Variants in MS4A3 observed in about 807,000 individuals in gnomAD.
The protein encoded by MS4A3 is membrane spanning 4-domains A3, also known as membrane-spanning 4-domains subfamily A member 3.
In MS4A3, 18 loss-of-function variants were observed where a neutral mutation model predicts 24.7. The observed-to-expected ratio is 0.73, with a 90% confidence interval of 0.50 to 1.08. The LOEUF (loss-of-function observed/expected upper bound fraction) is 1.08. Among genes scored for constraint, MS4A3 ranks in the 50% least tolerant of loss-of-function variants. MS4A3 has a pLI of 0.00. For missense variants in MS4A3, 282 were observed against 251.7 expected (o/e 1.12, Z -0.82); for synonymous variants, 84 against 95.3 (o/e 0.88, Z 0.69).
At chr11:60,061,066 C>T in intron 1 of MS4A3, 80 bp from the exon 2 acceptor site, 1 of 1,305,482 alleles carries the variant, frequency 7.7e-7, no homozygotes, top group Non-Finnish European at 1.0e-6. Context: ...CAGAATTGAA[C>T]CCTTCTGTAA....
At position 60,061,140 on chromosome 11, in the gene MS4A3, T is replaced by G. The variant is rs778633536; in HGVS notation, c.-15-6T>G. On this transcript the variant is annotated splice_polypyrimidine_tract_variant and splice_region_variant and intron_variant, in intron 1 of 6. Coordinates refer to ENST00000278865, the MANE Select transcript of MS4A3 (RefSeq NM_006138.5). Reference sequence around the variant, plus strand: ...ATGAAGGCTTTGGATTTCTTTTCTATCACAGCCATAAACAACCCCAATGGC... The same window carrying G: ...ATGAAGGCTTTGGATTTCTTTTCTAGCACAGCCATAAACAACCCCAATGGC... The G allele has an allele frequency of 2.5e-5, 39 of 1,546,852 alleles. No individual in the cohort carries two copies. Among genetic ancestry groups the G allele is most frequent in the Non-Finnish European group, 3.2e-5 (37 of 1,151,124 alleles).
intron 4 of MS4A3, 42 bp downstream of exon 4, chr11:60,064,360 A>G: frequency 6.9e-7 from 1 of 1,449,306 alleles, no homozygotes; most frequent in Non-Finnish European, 9.6e-7. Flanking sequence ...GAGGAGTAGA[A>G]ATATATTATT....
At chr11:60,069,791 C>T in intron 6 of MS4A3, 116 bp downstream of exon 6, 1 of 811,406 alleles carries the variant, frequency 1.2e-6, no homozygotes, top group South Asian at 1.5e-5. Context: ...TGTGGAGTTC[C>T]TGGAATTAGA....
At position 60,065,035 on chromosome 11, in the gene MS4A3, T is replaced by G. The variant is rs138365776; in HGVS notation, c.351+717T>G. ...CCACACAAGTGCATCACTTTAATTT[T>G]TGTCTCTCTGCTATATATATATTTT... On this transcript the variant is annotated intron_variant, in intron 4 of 6. Transcript: ENST00000278865. Among the ~76,000 whole-genome samples, 201 of 152,264 alleles carry G rather than the reference T, an allele frequency of 1.3e-3. 1 individual carries two copies. Among genetic ancestry groups the G allele is most frequent in the African/African-American group, 4.5e-3 (188 of 41,554 alleles).
intron 1 of MS4A3, among the ~76,000 whole-genome samples, chr11:60,059,250 A>G (rs1188167430): frequency 6.6e-6 from 1 of 152,160 alleles, no homozygotes; most frequent in African/African-American, 2.4e-5. Flanking sequence ...TGAGTCATAC[A>G]CACCCCCAGA....
chr11:60,067,347 G>A (rs1855380815), intron 5 of MS4A3, among the ~76,000 whole-genome samples: 1 of 151,722 alleles, frequency 6.6e-6, no homozygotes, highest in Non-Finnish European at 1.5e-5. Flanking sequence ...CCGAGTAGCT[G>A]GGACTACAGG....
Position 60,066,123 on chromosome 11 carries a change from C to G in MS4A3, c.352-828C>G, listed in dbSNP as rs138119009. On this transcript the variant is annotated intron_variant, in intron 4 of 6. Transcript: ENST00000278865. ...GAATAACCAAGAGTCTTCTTTCTTT[C>G]ACAATCCTGAATCCTATTTATCAGC... Among the ~76,000 whole-genome samples, 301 of 152,306 alleles carry G rather than the reference C, an allele frequency of 2.0e-3. 4 individuals carry two copies. The highest frequency in any genetic ancestry group is 7.0e-3 in the African/African-American group (289 of 41,554).
In MS4A3 at chr11:60,070,281, T is replaced by A. The variant is rs1855454255; in HGVS notation, c.*48T>A. 1.4e-6 allele frequency: 2 copies of A among 1,477,960 alleles called. No homozygotes were observed. Among genetic ancestry groups the A allele is most frequent in the Non-Finnish European group, 1.9e-6 (2 of 1,060,084 alleles). 91.6% of individuals were successfully genotyped at this position (1,477,960 alleles called of 1,614,324 possible). A position where few individuals can be genotyped will look rare whatever the true frequency, so the allele number is the denominator to read the frequency against. The stretch of plus-strand genomic sequence containing the variant: ...GAGAGCATGAATATTTGACCTTAAA[T>A]CTCCAGTGACTCAGAGCTTCACCCA... On this transcript the variant is annotated 3_prime_UTR_variant, in exon 7 of 7. Transcript: ENST00000278865.
chr11:60,063,216 A>G (rs1490147175), intron 3 of MS4A3, among the ~76,000 whole-genome samples: 1 of 152,200 alleles, frequency 6.6e-6, no homozygotes, highest in East Asian at 1.9e-4. Flanking sequence ...TGAATGAAAA[A>G]TGGGTATTGA....
Position 60,070,267 on chromosome 11 carries a change from TA to T in MS4A3, c.*35del. 1 of 1,501,882 alleles carries T rather than the reference TA, an allele frequency of 6.7e-7. No homozygotes were observed. The highest frequency in any genetic ancestry group is 9.2e-7 in the Non-Finnish European group (1 of 1,085,350). 93.0% of individuals were successfully genotyped at this position (1,501,882 alleles called of 1,614,324 possible). A position where few individuals can be genotyped will look rare whatever the true frequency, so the allele number is the denominator to read the frequency against. On this transcript the variant is annotated 3_prime_UTR_variant, in exon 7 of 7. Transcript: ENST00000278865. ...ACCTCCTTAATTCTGAGAGCATGAA[TA>T]TTTGACCTTAAATCTCCAGTGACTC...
Position 60,061,260 on chromosome 11 carries a change from T to G in MS4A3, c.100T>G (p.Tyr34Asp). The change falls in exon 2 of 7, where the codon TAC (tyrosine) becomes GAC (aspartate). Residue 34 changes from tyrosine (Y) to aspartate (D), a missense_variant. Physicochemically the swap from Tyr to Asp is radical, Grantham distance 160 (BLOSUM62 -3). Transcript: ENST00000278865. ...AGPEELNTSV[Y>D]QPIDGSPDYQ... Reference sequence around the variant, plus strand: ...ACCAGAAGAGCTGAATACTTCTGTCTACCAGCCCATAGATGGATCACCAGA... The same window carrying G: ...ACCAGAAGAGCTGAATACTTCTGTCGACCAGCCCATAGATGGATCACCAGA... 6.2e-7 allele frequency: 1 copy of G among 1,613,988 alleles called. No homozygotes were observed. The highest frequency in any genetic ancestry group is 1.1e-5 in the South Asian group (1 of 91,028).
In MS4A3 at chr11:60,062,617, T is replaced by C. The variant is rs770748870; in HGVS notation, c.294+12T>C. 4 of 1,614,072 alleles carry C rather than the reference T, an allele frequency of 2.5e-6. No individual in the cohort carries two copies. Among genetic ancestry groups the C allele is most frequent in the Non-Finnish European group, 3.4e-6 (4 of 1,179,958 alleles). ...GGGGTGCTGTGTTTGTGAGTATTCG[T>C]ACTCCCCTGGCTATATGTTATTTCT... On this transcript the variant is annotated intron_variant, in intron 3 of 6. Coordinates refer to ENST00000278865, the MANE Select transcript of MS4A3 (RefSeq NM_006138.5).
chr11:60,062,341 A>G, intron 2 of MS4A3, 127 bp from the exon 3 acceptor site: 2 of 1,144,648 alleles, frequency 1.7e-6, no homozygotes, highest in Non-Finnish European at 2.5e-6. Flanking sequence ...CGTTCTGTTA[A>G]TTTAGGCTTG....
At position 60,070,239 on chromosome 11, in the gene MS4A3, A is replaced by G; in HGVS notation, c.*6A>G. On this transcript the variant is annotated 3_prime_UTR_variant, in exon 7 of 7. Transcript: ENST00000278865. ...CACCTCCCAATTCTGTGTAATCAAGAATACCTCCTTAATTCTGAGAGCATG... is the reference window on the plus strand; with the variant it reads ...CACCTCCCAATTCTGTGTAATCAAGGATACCTCCTTAATTCTGAGAGCATG... 1 of 1,515,442 alleles carries G rather than the reference A, an allele frequency of 6.6e-7. No homozygotes were observed. The highest frequency in any genetic ancestry group is 9.0e-7 in the Non-Finnish European group (1 of 1,105,076). 93.9% of individuals were successfully genotyped at this position (1,515,442 alleles called of 1,614,324 possible). A position where few individuals can be genotyped will look rare whatever the true frequency, so the allele number is the denominator to read the frequency against.
At chr11:60,057,191 G>A (rs1472542986) in intron 1 of MS4A3, among the ~76,000 whole-genome samples, 1 of 152,136 alleles carries the variant, frequency 6.6e-6, no homozygotes, top group Non-Finnish European at 1.5e-5. Context: ...GTGGGCTTGG[G>A]AAAGCTACTT....
At chr11:60,065,839 C>T (rs1855352708) in intron 4 of MS4A3, among the ~76,000 whole-genome samples, 1 of 152,146 alleles carries the variant, frequency 6.6e-6, no homozygotes, top group Admixed American at 6.6e-5. Context: ...GTTCTGGTGC[C>T]CCAGAGCTGA....
intron 2 of MS4A3, among the ~76,000 whole-genome samples, chr11:60,061,832 T>C (rs760156372): frequency 3.3e-5 from 5 of 152,068 alleles, no homozygotes; most frequent in Non-Finnish European, 5.9e-5. Context: ...AAGGAGGAAA[T>C]TCTGAGTTAT....
At chr11:60,059,065 A>C (rs921747785) in intron 1 of MS4A3, among the ~76,000 whole-genome samples, 5 of 152,222 alleles carry the variant, frequency 3.3e-5, no homozygotes, top group African/African-American at 1.2e-4. Flanking sequence ...CAATATTGGT[A>C]GGAAACTTTG....
intron 3 of MS4A3, among the ~76,000 whole-genome samples, chr11:60,063,416 T>A (rs777201988): frequency 6.6e-6 from 1 of 152,236 alleles, no homozygotes; most frequent in Non-Finnish European, 1.5e-5. Flanking sequence ...GGTTCATTTT[T>A]AAAAAGTGAA....
Sources: gnomAD v4.1 joint callset for allele counts (sites outside exome capture counted in the v4.1 genomes callset) on GRCh38, gnomAD v4.1.1 for gene constraint, MANE v1.5 for transcripts, NCBI Gene and HGNC (gene_info 2026-07-23, HGNC 2026-07-21) for gene names.